The following TSPAN5 variants were observed in gnomAD, a reference collection of about 807,000 sequenced individuals.
The protein encoded by TSPAN5 is tetraspanin-5.
In TSPAN5, 10 loss-of-function variants were observed where a neutral mutation model predicts 37.1. That is an observed-to-expected ratio of 0.27 (90% CI 0.17 to 0.46). The LOEUF is 0.46. Ranked by LOEUF, TSPAN5 falls within the 20% of genes least tolerant of loss-of-function variation. TSPAN5 has a pLI of 1.00. For synonymous variants in TSPAN5, 110 were observed against 118.9 expected (o/e 0.93, Z 0.48); for missense variants, 195 against 326.6 (o/e 0.60, Z 3.11).
chr4:98,496,854 A>G (rs1753223542), intron 2 of TSPAN5, among the ~76,000 whole-genome samples: 1 of 152,228 alleles, frequency 6.6e-6, no homozygotes, highest in Non-Finnish European at 1.5e-5. Flanking sequence ...GTAAAGTTTA[A>G]GCTGAAAGAT....
chr4:98,650,591 G>A (rs941105684), intron 1 of TSPAN5, among the ~76,000 whole-genome samples: 5 of 152,212 alleles, frequency 3.3e-5, no homozygotes, highest in Admixed American at 6.5e-5. Context: ...TTTAAGGTAT[G>A]ACTGTAAACT....
chr4:98,565,121 T>C (rs1459719969), intron 1 of TSPAN5, among the ~76,000 whole-genome samples: 1 of 152,148 alleles, frequency 6.6e-6, no homozygotes, highest in Non-Finnish European at 1.5e-5. Flanking sequence ...TCCTGCACAA[T>C]ATGGCTCGTC....
chr4:98,640,823 G>A (rs1319190643), intron 1 of TSPAN5, among the ~76,000 whole-genome samples: 3 of 152,180 alleles, frequency 2.0e-5, no homozygotes, highest in Admixed American at 1.3e-4. Flanking sequence ...CCAAAAGCCC[G>A]CAACTCCCCT....
intron 1 of TSPAN5, among the ~76,000 whole-genome samples, chr4:98,611,569 T>C (rs897545935): frequency 6.6e-6 from 1 of 152,196 alleles, no homozygotes; most frequent in African/African-American, 2.4e-5. Flanking sequence ...CTTACCAACA[T>C]GAACTGTACA....
chr4:98,506,996 G>C (rs903731751), intron 2 of TSPAN5, among the ~76,000 whole-genome samples: 5 of 152,094 alleles, frequency 3.3e-5, no homozygotes. Context: ...GGACACAGGG[G>C]GTGTCTGCAT....
At chr4:98,618,915 G>A (rs536970637) in intron 1 of TSPAN5, among the ~76,000 whole-genome samples, 47 of 152,288 alleles carry the variant, frequency 3.1e-4, no homozygotes, top group African/African-American at 1.0e-3. Flanking sequence ...CAAGTGAATC[G>A]TGTGCTAGGC....
At chr4:98,531,443 C>G (rs1019998561) in intron 1 of TSPAN5, among the ~76,000 whole-genome samples, 1 of 152,152 alleles carries the variant, frequency 6.6e-6, no homozygotes, top group African/African-American at 2.4e-5. Context: ...TGTATATGTG[C>G]CACATTTTCT....
At chr4:98,504,262 G>T (rs1048853298) in intron 2 of TSPAN5, among the ~76,000 whole-genome samples, 1 of 152,180 alleles carries the variant, frequency 6.6e-6, no homozygotes, top group East Asian at 1.9e-4. Flanking sequence ...TGGGTCTAGG[G>T]GATGTACTGA....
At chr4:98,481,780 T>C (rs1255229887) in intron 4 of TSPAN5, among the ~76,000 whole-genome samples, 1 of 152,242 alleles carries the variant, frequency 6.6e-6, no homozygotes, top group Non-Finnish European at 1.5e-5. Flanking sequence ...TTTGTTCCTC[T>C]AACTTAACAG....
At chr4:98,523,747 TA>T (rs1753904665) in intron 1 of TSPAN5, among the ~76,000 whole-genome samples, 1 of 152,194 alleles carries the variant, frequency 6.6e-6, no homozygotes, top group African/African-American at 2.4e-5. Context: ...CTTTTATCTT[TA>T]AAAATTAAGA....
chr4:98,517,719 G>A lies in TSPAN5; in HGVS notation c.82-9991C>T, dbSNP rs10516432. On this transcript the variant is annotated intron_variant, in intron 1 of 7. Coordinates refer to ENST00000305798, the MANE Select transcript of TSPAN5 (RefSeq NM_005723.4). ...GAAATTACCCAAGCAATGCAGGCACGTAAAAGGGAAAGTGAGGGATGAGCC... is the reference window on the plus strand; with the variant it reads ...GAAATTACCCAAGCAATGCAGGCACATAAAAGGGAAAGTGAGGGATGAGCC... Among the ~76,000 whole-genome samples, 1,094 of 152,250 alleles carry A rather than the reference G, an allele frequency of 7.2e-3. 13 individuals carry two copies. The highest frequency in any genetic ancestry group is 0.024 in the African/African-American group (1,015 of 41,544).
In TSPAN5 at chr4:98,472,584, A is replaced by G; in HGVS notation, c.745T>C (p.Phe249Leu). Reference sequence around the variant, plus strand: ...AAATTCTGGGCCAGGCATATCCCAAATATCTGAGAAAGGAAGAAAATGTGA... The same window carrying G: ...AAATTCTGGGCCAGGCATATCCCAAGTATCTGAGAAAGGAAGAAAATGTGA... Reference protein sequence around the residue: ...IFIGIALLQIFGICLAQNLVS... With the variant: ...IFIGIALLQILGICLAQNLVS... The change falls in exon 8 of 8, where the codon TTT (phenylalanine) becomes CTT (leucine). Residue 249 changes from phenylalanine to leucine, a missense_variant. Transcript: ENST00000305798. The G allele has an allele frequency of 1.2e-6, 2 of 1,613,518 alleles. No individual in the cohort carries two copies. Among genetic ancestry groups the G allele is most frequent in the Non-Finnish European group, 1.7e-6 (2 of 1,179,756 alleles).
Position 98,584,282 on chromosome 4 carries a change from A to G in TSPAN5, c.81+73864T>C, listed in dbSNP as rs532287944. Among the ~76,000 whole-genome samples the G allele has an allele frequency of 5.3e-5, 8 of 152,320 alleles. No individual in the cohort carries two copies. The South Asian group carries it at 1.2e-3, about 24-fold the overall frequency. ...AAATAAGGACACTTGAACTAATGCC[A>G]TCTTATGGGAAAGTTATTCAATCAT... On this transcript the variant is annotated intron_variant, in intron 1 of 7. Transcript: ENST00000305798.
chr4:98,575,772 A>C (rs1305085362), intron 1 of TSPAN5, among the ~76,000 whole-genome samples: 2 of 8,624 alleles, frequency 2.3e-4, no homozygotes, highest in Non-Finnish European at 3.5e-4. Flanking sequence ...CCCACCCCAC[A>C]AAAAAAAAAA....
chr4:98,644,002 A>C (rs1239922268), intron 1 of TSPAN5, among the ~76,000 whole-genome samples: 2 of 152,178 alleles, frequency 1.3e-5, no homozygotes, highest in African/African-American at 2.4e-5. Context: ...ATGCTGAAAA[A>C]CATCTAAAAC....
chr4:98,571,655 G>C (rs539458020), intron 1 of TSPAN5, among the ~76,000 whole-genome samples: 1 of 152,084 alleles, frequency 6.6e-6, no homozygotes, highest in Non-Finnish European at 1.5e-5. Context: ...CTACCCATAC[G>C]GTGGAAGGTT....
At position 98,540,664 on chromosome 4, in the gene TSPAN5, C is replaced by T. The variant is rs560543805; in HGVS notation, c.82-32936G>A. ...CCTCTTTCTTATATCTCTTAATTCC[C>T]GGACTGAAAACTACCCAGCACAGGC... On this transcript the variant is annotated intron_variant, in intron 1 of 7. Transcript: ENST00000305798. 6.6e-5 allele frequency among the ~76,000 whole-genome samples: 10 copies of T among 152,172 alleles called. No individual in the cohort carries two copies. In the South Asian group the frequency reaches 1.2e-3, roughly 19 times the overall value.
chr4:98,506,219 T>C (rs1022241291), intron 2 of TSPAN5, among the ~76,000 whole-genome samples: 1 of 152,198 alleles, frequency 6.6e-6, no homozygotes, highest in Non-Finnish European at 1.5e-5. Flanking sequence ...TCTAACCAAC[T>C]TCCCAGATTC....
At chr4:98,536,696 C>T (rs1424421635) in intron 1 of TSPAN5, among the ~76,000 whole-genome samples, 2 of 152,216 alleles carry the variant, frequency 1.3e-5, no homozygotes, top group Non-Finnish European at 2.9e-5. Context: ...GATCCTCTGC[C>T]CAGAGAAAAG....
Sources: gnomAD v4.1 joint callset for allele counts (sites outside exome capture counted in the v4.1 genomes callset) on GRCh38, gnomAD v4.1.1 for gene constraint, MANE v1.5 for transcripts, NCBI Gene and HGNC (gene_info 2026-07-23, HGNC 2026-07-21) for gene names.